The following PTPRA variants were observed in gnomAD, a reference collection of about 807,000 sequenced individuals.
The protein encoded by PTPRA is protein tyrosine phosphatase receptor type A, also known as receptor-type tyrosine-protein phosphatase alpha.
Under a neutral mutation model 104.8 loss-of-function variants are expected in PTPRA, and 25 were observed. The observed-to-expected ratio is 0.24, with a 90% CI of 0.17 to 0.33. PTPRA has a LOEUF of 0.33. Ranked by LOEUF, PTPRA falls within the 10% of genes least tolerant of loss-of-function variation. The pLI, the probability that PTPRA is intolerant of heterozygous loss-of-function variation, is 1.00. For missense variants in PTPRA, 765 were observed against 1,015.3 expected (o/e 0.75, Z 3.35); for synonymous variants, 323 against 368.9 (o/e 0.88, Z 1.43).
the PTPRA span, among the ~76,000 whole-genome samples, chr20:2,868,310 C>CTTTTTTTT: frequency 9.6e-6 from 1 of 104,166 alleles, no homozygotes; most frequent in East Asian, 2.7e-4. Context: ...GACTCCACCT[C>CTTTTTTTT]TTTTTTTTTT....
intron 12 of PTPRA, among the ~76,000 whole-genome samples, chr20:3,017,416 A>G (rs1229205725): frequency 1.3e-5 from 2 of 152,142 alleles, no homozygotes; most frequent in Admixed American, 6.5e-5. Flanking sequence ...AAGTCATCCA[A>G]CCTTTCTGGG....
intron 9 of PTPRA, among the ~76,000 whole-genome samples, chr20:3,000,157 G>A (rs188840395): frequency 7.5e-4 from 114 of 151,990 alleles, no homozygotes; most frequent in African/African-American, 2.0e-3. Context: ...GTGTGGTGGC[G>A]GGCGCCTGTA....
chr20:2,869,284 C>T (rs920511472), upstream of PTPRA, among the ~76,000 whole-genome samples: 3 of 152,154 alleles, frequency 2.0e-5, no homozygotes, highest in African/African-American at 7.2e-5. Context: ...CCCCTAAATA[C>T]TTCAGTATGC....
rs537757597 is a variant in PTPRA at position 2,927,331 on chromosome 20, T to C, written c.-50+4046T>C. Among the ~76,000 whole-genome samples the C allele has an allele frequency of 9.5e-4, 145 of 152,318 alleles. 2 individuals are homozygous for C. The highest frequency in any genetic ancestry group is 2.2e-3 in the Admixed American group (33 of 15,298). ...ACCCTGGGCTATTCAAATGAGAAAA[T>C]GAAGAAAAAGTGAATTCTCTCTCTG... On this transcript the variant is annotated intron_variant, in intron 2 of 23. Coordinates refer to ENST00000399903, the MANE Select transcript of PTPRA (RefSeq NM_001385305.1).
intron 2 of PTPRA, 34 bp from the exon 3 acceptor site, chr20:2,947,948 C>T: frequency 1.0e-6 from 1 of 960,976 alleles, no homozygotes; most frequent in South Asian, 1.4e-5. Flanking sequence ...CCTAGATACT[C>T]CTAATTAACT....
intron 22 of PTPRA, among the ~76,000 whole-genome samples, 191 bp downstream of exon 22, chr20:3,036,132 A>T (rs2065788227): frequency 6.6e-6 from 1 of 152,188 alleles, no homozygotes. Flanking sequence ...AACTTGGCAC[A>T]ATAAGTGCTA....
At chr20:2,956,388 C>T (rs1329625639) in intron 3 of PTPRA, among the ~76,000 whole-genome samples, 1 of 152,062 alleles carries the variant, frequency 6.6e-6, no homozygotes. Flanking sequence ...TGCATTTCCC[C>T]GCCCCACCCT....
At chr20:3,030,919 AT>A (rs1450221564) in intron 20 of PTPRA, among the ~76,000 whole-genome samples, 1 of 151,948 alleles carries the variant, frequency 6.6e-6, no homozygotes, top group East Asian at 1.9e-4. Flanking sequence ...ACCCCAAGTG[AT>A]CCGCCCGCCT....
chr20:2,872,752 A>G (rs1046564196), upstream of PTPRA, among the ~76,000 whole-genome samples: 2 of 151,820 alleles, frequency 1.3e-5, no homozygotes, highest in East Asian at 1.9e-4. This position sits in a 1 kb window ranked among gnomAD's most constrained non-coding sequence, Gnocchi z 7.9. Flanking sequence ...ACGCGCCCCA[A>G]CCCCGGCCGG....
intron 11 of PTPRA, among the ~76,000 whole-genome samples, chr20:3,012,412 G>A (rs1283498444): frequency 6.6e-6 from 1 of 152,204 alleles, no homozygotes; most frequent in Non-Finnish European, 1.5e-5. Flanking sequence ...ATATGAGAGA[G>A]TAGAGGGTGA....
intron 1 of PTPRA, among the ~76,000 whole-genome samples, chr20:2,919,843 C>T (rs774033998): frequency 1.3e-5 from 2 of 152,054 alleles, no homozygotes; most frequent in Non-Finnish European, 2.9e-5. Flanking sequence ...TTTTGCATAG[C>T]CCACAAACTA....
At chr20:2,886,683 TAAA>T (rs34430434) in intron 1 of PTPRA, among the ~76,000 whole-genome samples, 1 of 135,938 alleles carries the variant, frequency 7.4e-6, no homozygotes, top group Admixed American at 7.4e-5. Context: ...CCGTCTCTAC[TAAA>T]AAAAAAAAAA....
intron 1 of PTPRA, among the ~76,000 whole-genome samples, chr20:2,905,568 A>G (rs1046833771): frequency 6.6e-6 from 1 of 152,158 alleles, no homozygotes; most frequent in Admixed American, 6.6e-5. Flanking sequence ...AGGAAAATTA[A>G]GTTGTAGATC....
Position 2,892,859 on chromosome 20 carries a change from A to G in PTPRA, c.-129+19099A>G, listed in dbSNP as rs1259730336. 3.3e-5 allele frequency among the ~76,000 whole-genome samples: 5 copies of G among 152,212 alleles called. 1 individual carries two copies. Among genetic ancestry groups the G allele is most frequent in the South Asian group, 4.1e-4 (2 of 4,820 alleles). ...TTCAGTGAGCCAAGCCTCACTTAGC[A>G]TCTAATTCTGTCTTTATTTTCTGCT... On this transcript the variant is annotated intron_variant, in intron 1 of 23. Transcript: ENST00000399903.
the PTPRA span, chr20:2,865,110 C>T: frequency 1.2e-6 from 2 of 1,614,154 alleles, no homozygotes; most frequent in Admixed American, 3.3e-5. The surrounding 1 kb of genome is among the most constrained non-coding windows in gnomAD (Gnocchi z 5.2). Flanking sequence ...CCCTCCTGGT[C>T]CCTCATCCCC....
intron 1 of PTPRA, among the ~76,000 whole-genome samples, chr20:2,882,943 A>G (rs1294673228): frequency 6.6e-6 from 1 of 150,518 alleles, no homozygotes; most frequent in Non-Finnish European, 1.5e-5. Context: ...AGTAATCCTA[A>G]TATGAAATCC....
At position 2,883,675 on chromosome 20, in the gene PTPRA, A is replaced by AAAAG. The variant is rs1364208604; in HGVS notation, c.-129+9923_-129+9926dup. On this transcript the variant is annotated intron_variant, in intron 1 of 23. Transcript: ENST00000399903. Reference sequence around the variant, plus strand: ...TCAAAAAAAAAAAAAAAAAAAAAAAAAAAGAAAGAAATGTGCAATGGTAGA... The same window carrying AAAAG: ...TCAAAAAAAAAAAAAAAAAAAAAAAAAAAGAAAGAAAGAAATGTGCAATGGTAGA... Among the ~76,000 whole-genome samples, 25 of 22,644 alleles carry AAAAG rather than the reference A, an allele frequency of 1.1e-3. 2 individuals are homozygous for AAAAG. The African/African-American group carries it at 0.021, about 19-fold the overall frequency. 14.9% of individuals were successfully genotyped at this position (22,644 alleles called of 152,430 possible).
chr20:2,882,567 T>G (rs1461736454), intron 1 of PTPRA, among the ~76,000 whole-genome samples: 1 of 152,180 alleles, frequency 6.6e-6, no homozygotes, highest in Non-Finnish European at 1.5e-5. Context: ...GTGCTGGGAT[T>G]ACAGGCATGA....
At chr20:2,934,770 C>T (rs28718735) in intron 2 of PTPRA, among the ~76,000 whole-genome samples, 4 of 148,238 alleles carry the variant, frequency 2.7e-5, no homozygotes, top group African/African-American at 1.0e-4. Flanking sequence ...CTCCCTGATT[C>T]GAGCAATTCT....
Sources: gnomAD v4.1 joint callset for allele counts (sites outside exome capture counted in the v4.1 genomes callset) on GRCh38, gnomAD v4.1.1 for gene constraint, Gnocchi (gnomAD v3.1) non-coding constraint, MANE v1.5 for transcripts, NCBI Gene and HGNC (gene_info 2026-07-23, HGNC 2026-07-21) for gene names.